ARHGAP44: variants seen among roughly 807,000 people sequenced by gnomAD.
ARHGAP44 encodes rho GTPase-activating protein 44.
A neutral mutation model predicts 106.8 loss-of-function variants in ARHGAP44; 43 were observed. The observed-to-expected ratio is 0.40, with a 90% CI of 0.32 to 0.52. ARHGAP44 has a LOEUF of 0.52. Ranked by LOEUF, ARHGAP44 falls within the 20% of genes least tolerant of loss-of-function variation. ARHGAP44 has a pLI of 0.48. For synonymous variants in ARHGAP44, 439 were observed against 410.3 expected (o/e 1.07, Z -0.85); for missense variants, 866 against 1,050.5 (o/e 0.82, Z 2.43).
intron 3 of ARHGAP44, among the ~76,000 whole-genome samples, chr17:12,899,500 A>G (rs1213620764): frequency 6.6e-6 from 1 of 152,132 alleles, no homozygotes; most frequent in African/African-American, 2.4e-5. Context: ...CACCTCAAAT[A>G]CTGAAATGTA....
At chr17:12,938,675 T>G (rs142802054) in intron 7 of ARHGAP44, among the ~76,000 whole-genome samples, 13 of 151,648 alleles carry the variant, frequency 8.6e-5, no homozygotes, top group African/African-American at 2.7e-4. Flanking sequence ...AGTTGTAAAA[T>G]CAGAAAACAG....
intron 7 of ARHGAP44, among the ~76,000 whole-genome samples, chr17:12,936,806 A>G (rs575474307): frequency 3.3e-5 from 5 of 152,366 alleles, no homozygotes; most frequent in African/African-American, 1.2e-4. Context: ...TATTCCCACC[A>G]GCAATATATG....
rs1445120566 is a variant in ARHGAP44, at chr17:12,949,307, G to T, written c.973+56G>T. The T allele has an allele frequency of 3.3e-6, 5 of 1,510,408 alleles. No homozygotes were observed. The allele number at this position is 1,510,408 out of a possible 1,614,324, so 93.6% of individuals were successfully genotyped here. On this transcript the variant is annotated intron_variant, in intron 11 of 20. Transcript: ENST00000379672. This position sits in a 1 kb window ranked among gnomAD's most constrained non-coding sequence, Gnocchi z 4.1. ...TGGAGGCTCACAGGGAAGGGGTAGA[G>T]GGGAGGCTGTGTGGCTACAAGTCCA...
intron 19 of ARHGAP44, among the ~76,000 whole-genome samples, chr17:12,981,570 G>A (rs992340996): frequency 2.6e-5 from 4 of 151,814 alleles, no homozygotes; most frequent in Non-Finnish European, 4.4e-5. Context: ...GCTAATTTTT[G>A]TATTTTCAGT....
At chr17:12,883,735 G>A (rs1172257476) in intron 1 of ARHGAP44, among the ~76,000 whole-genome samples, 1 of 152,074 alleles carries the variant, frequency 6.6e-6, no homozygotes, top group Non-Finnish European at 1.5e-5. Flanking sequence ...TTTGATATTT[G>A]TTGAGATGTG....
intron 20 of ARHGAP44, 26 bp from the exon 21 acceptor site, chr17:12,990,006 C>T (rs2040081783): frequency 6.3e-7 from 1 of 1,591,474 alleles, no homozygotes; most frequent in East Asian, 2.3e-5. Flanking sequence ...CTCCTTTCAA[C>T]CACCTCTCTC....
chr17:12,981,239 T>TA (rs748278561), intron 19 of ARHGAP44, among the ~76,000 whole-genome samples: 1 of 152,126 alleles, frequency 6.6e-6, no homozygotes, highest in Non-Finnish European at 1.5e-5. Context: ...GGAGCATGCT[T>TA]TCTCGACTCA....
chr17:12,914,443 A>C (rs2037840160), intron 4 of ARHGAP44, among the ~76,000 whole-genome samples: 2 of 152,240 alleles, frequency 1.3e-5, no homozygotes, highest in Admixed American at 1.3e-4. Context: ...ATATTCAAAG[A>C]ACGAAATTCT....
chr17:12,940,330 C>T (rs919021076), intron 7 of ARHGAP44, among the ~76,000 whole-genome samples: 2 of 152,178 alleles, frequency 1.3e-5, no homozygotes, highest in African/African-American at 4.8e-5. Flanking sequence ...ACATTCTGCT[C>T]AAAATGTACT....
intron 4 of ARHGAP44, among the ~76,000 whole-genome samples, chr17:12,912,756 C>G (rs1378147843): frequency 9.9e-5 from 15 of 152,188 alleles, no homozygotes; most frequent in Non-Finnish European, 2.1e-4. Context: ...GGTTATTAAG[C>G]AGTGCCTTTA....
intron 1 of ARHGAP44, among the ~76,000 whole-genome samples, chr17:12,863,864 A>G (rs745685776): frequency 5.9e-5 from 9 of 152,152 alleles, no homozygotes; most frequent in Non-Finnish European, 8.8e-5. Flanking sequence ...CGCATTCAAC[A>G]TGGGCTTAAA....
At chr17:12,984,933 CT>C (rs758849438) in intron 20 of ARHGAP44, 25 bp downstream of exon 20, 6 of 1,574,086 alleles carry the variant, frequency 3.8e-6, no homozygotes, top group Non-Finnish European at 3.5e-6. Context: ...GGCTCCCTCA[CT>C]TTTTTTTATG....
At chr17:12,937,473 T>C (rs573276267) in intron 7 of ARHGAP44, among the ~76,000 whole-genome samples, 1 of 152,160 alleles carries the variant, frequency 6.6e-6, no homozygotes, top group African/African-American at 2.4e-5. Context: ...ACAGTACTGG[T>C]TTTCCTGCCC....
In ARHGAP44 at chr17:12,990,263, T is replaced by A. The variant is rs2040096011; in HGVS notation, c.*92T>A. 6.8e-7 allele frequency: 1 copy of A among 1,463,826 alleles called. No individual in the cohort carries two copies. Among genetic ancestry groups the A allele is most frequent in the South Asian group, 1.3e-5 (1 of 74,260 alleles). 90.7% of individuals were successfully genotyped at this position (1,463,826 alleles called of 1,614,324 possible). A position where few individuals can be genotyped will look rare whatever the true frequency, so the allele number is the denominator to read the frequency against. ...GCGTCCATGAGCTTGCCAAGTGTTCTCTGCTGGCTCTTTCCTGCCACTGCC... is the reference window on the plus strand; with the variant it reads ...GCGTCCATGAGCTTGCCAAGTGTTCACTGCTGGCTCTTTCCTGCCACTGCC... On this transcript the variant is annotated 3_prime_UTR_variant, in exon 21 of 21. Coordinates refer to ENST00000379672, the MANE Select transcript of ARHGAP44 (RefSeq NM_014859.6).
At chr17:12,896,317 G>GA in intron 2 of ARHGAP44, 90 bp from the exon 3 acceptor site, 1 of 1,083,978 alleles carries the variant, frequency 9.2e-7, no homozygotes, top group East Asian at 2.6e-5. Flanking sequence ...TGTCTCCATG[G>GA]AAACATGAGT....
At chr17:12,921,633 CA>C (rs2038089048) in intron 6 of ARHGAP44, among the ~76,000 whole-genome samples, 1 of 152,126 alleles carries the variant, frequency 6.6e-6, no homozygotes, top group Admixed American at 6.5e-5. Context: ...AATAAAGAAA[CA>C]GAATATATTT....
chr17:12,974,249 C>T lies in ARHGAP44; in HGVS notation c.1702C>T (p.Pro568Ser), dbSNP rs1479990764. ...SPLPEQPLDS[P>S]AAPALSPSGL... ...GCTGCCGGAGCAGCCCCTGGACAGCCCCGCGGCCCCCGCGCTCTCTCCATC... is the reference window on the plus strand; with the variant it reads ...GCTGCCGGAGCAGCCCCTGGACAGCTCCGCGGCCCCCGCGCTCTCTCCATC... The change falls in exon 18 of 21, where the codon CCC (proline) becomes TCC (serine). Residue 568 changes from proline (P) to serine (S), a missense_variant. Transcript: ENST00000379672. 7 of 1,519,458 alleles carry T rather than the reference C, an allele frequency of 4.6e-6. No individual in the cohort carries two copies. The highest frequency in any genetic ancestry group is 2.3e-4 in the Middle Eastern group (1 of 4,294). The allele number at this position is 1,519,458 out of a possible 1,614,324, so 94.1% of individuals were successfully genotyped here. A position where few individuals can be genotyped will look rare whatever the true frequency, so the allele number is the denominator to read the frequency against.
At chr17:12,919,581 T>A (rs2038015824) in intron 5 of ARHGAP44, among the ~76,000 whole-genome samples, 174 bp from the exon 6 acceptor site, 1 of 152,158 alleles carries the variant, frequency 6.6e-6, no homozygotes, top group Non-Finnish European at 1.5e-5. Context: ...AGTCGGAGTT[T>A]CGCCATATTG....
intron 17 of ARHGAP44, 78 bp downstream of exon 17, chr17:12,973,397 C>T: frequency 6.8e-7 from 1 of 1,478,810 alleles, no homozygotes; most frequent in South Asian, 1.2e-5. Context: ...GTGAGTTCCA[C>T]CAGAGGGTGA....
Sources: allele counts gnomAD v4.1 joint callset (sites outside exome capture counted in the v4.1 genomes callset), GRCh38; gene constraint gnomAD v4.1.1; non-coding constraint Gnocchi (gnomAD v3.1); transcripts MANE v1.5; gene names NCBI Gene and HGNC (gene_info 2026-07-23, HGNC 2026-07-21).